Variants in LRRC7 observed in about 807,000 individuals in gnomAD.
LRRC7 encodes the protein leucine rich repeat containing 7.
A neutral mutation model predicts 175.7 loss-of-function variants in LRRC7; 23 were observed. That is an observed-to-expected ratio of 0.13 (90% CI 0.09 to 0.19). The LOEUF is 0.19. Ranked by LOEUF, LRRC7 falls within the 10% of genes least tolerant of loss-of-function variation. LRRC7 has a pLI of 1.00. For missense variants in LRRC7, 1,354 were observed against 1,904.7 expected (o/e 0.71, Z 5.38); for synonymous variants, 685 against 680.9 (o/e 1.01, Z -0.09).
chr1:69,896,952 T>C (rs1645997227), intron 7 of LRRC7, among the ~76,000 whole-genome samples: 1 of 152,172 alleles, frequency 6.6e-6, no homozygotes, highest in Non-Finnish European at 1.5e-5. Flanking sequence ...TCTCCTATTG[T>C]CTACAAATTA....
chr1:70,002,340 C>G (rs1436227167), intron 11 of LRRC7, among the ~76,000 whole-genome samples: 4 of 152,154 alleles, frequency 2.6e-5, no homozygotes, highest in Non-Finnish European at 5.9e-5. Flanking sequence ...TGTGAAGTGA[C>G]TTGCCAAAGG....
At chr1:69,778,463 G>C (rs1052204205) in intron 3 of LRRC7, among the ~76,000 whole-genome samples, 2 of 152,030 alleles carry the variant, frequency 1.3e-5, no homozygotes, top group African/African-American at 4.8e-5. Context: ...TTATAATTTT[G>C]TAACAGTGGG....
In LRRC7 at chr1:69,907,432, C is replaced by G. The variant is rs552205890; in HGVS notation, c.648-24075C>G. ...TAGCTCTTATTATTTTGAGATATGT[C>G]CCATCCATACCTAATTTATTGAGAG... On this transcript the variant is annotated intron_variant, in intron 7 of 26. Transcript: ENST00000651989. Among the ~76,000 whole-genome samples, 203 of 152,144 alleles carry G rather than the reference C, an allele frequency of 1.3e-3. 2 individuals carry two copies. Among genetic ancestry groups the G allele is most frequent in the Admixed American group, 0.011 (168 of 15,276 alleles).
intron 8 of LRRC7, among the ~76,000 whole-genome samples, chr1:69,971,121 A>G (rs897119197): frequency 6.6e-6 from 1 of 152,164 alleles, no homozygotes; most frequent in Non-Finnish European, 1.5e-5. Flanking sequence ...ATACAAGGAC[A>G]TACCTCAATG....
chr1:69,738,175 C>T (rs1006522045), intron 2 of LRRC7, among the ~76,000 whole-genome samples: 5 of 151,892 alleles, frequency 3.3e-5, no homozygotes, highest in Non-Finnish European at 5.9e-5. Flanking sequence ...GGCCATGTAC[C>T]GAGTTCTAAT....
chr1:69,712,062 C>T (rs964696675), intron 2 of LRRC7, among the ~76,000 whole-genome samples: 3 of 152,018 alleles, frequency 2.0e-5, no homozygotes, highest in African/African-American at 7.3e-5. Context: ...CCAGAAATGC[C>T]ACTAAAAAGA....
chr1:70,065,889 CTG>C (rs1186801825), intron 23 of LRRC7, among the ~76,000 whole-genome samples: 1 of 151,938 alleles, frequency 6.6e-6, no homozygotes, highest in Non-Finnish European at 1.5e-5. Context: ...TACAACCACT[CTG>C]AGCTAAATAG....
chr1:70,121,171 T>C (rs752990290), intron 26 of LRRC7, among the ~76,000 whole-genome samples: 1 of 152,050 alleles, frequency 6.6e-6, no homozygotes, highest in Non-Finnish European at 1.5e-5. Flanking sequence ...CAGTGTGTTT[T>C]ATCCCCAAGG....
chr1:69,845,778 A>G (rs1053443349), intron 7 of LRRC7, among the ~76,000 whole-genome samples: 3 of 152,150 alleles, frequency 2.0e-5, no homozygotes, highest in African/African-American at 7.2e-5. Context: ...GACAGCTTAC[A>G]GAATGGCTTT....
At chr1:69,709,675 G>A (rs1664498430) in intron 2 of LRRC7, among the ~76,000 whole-genome samples, 1 of 152,192 alleles carries the variant, frequency 6.6e-6, no homozygotes, top group Admixed American at 6.5e-5. Flanking sequence ...CAAGATTTAA[G>A]AAATACTCTG....
chr1:69,750,061 AAAAT>A (rs368323946), intron 2 of LRRC7, among the ~76,000 whole-genome samples: 35 of 139,182 alleles, frequency 2.5e-4, no homozygotes, highest in African/African-American at 6.7e-4. Flanking sequence ...CTATGTCTCA[AAAAT>A]AAATAAATAA....
intron 25 of LRRC7, among the ~76,000 whole-genome samples, chr1:70,098,218 A>G (rs10465862): frequency 6.6e-6 from 1 of 152,166 alleles, no homozygotes; most frequent in Non-Finnish European, 1.5e-5. Flanking sequence ...GCCAGTGATG[A>G]TGAGCATTTT....
intron 3 of LRRC7, among the ~76,000 whole-genome samples, chr1:69,770,319 C>A (rs1672088699): frequency 6.6e-6 from 1 of 152,074 alleles, no homozygotes; most frequent in Admixed American, 6.6e-5. Flanking sequence ...ATATTTGTAA[C>A]TTAAGATGTA....
chr1:69,814,891 T>C (rs1187989941), intron 4 of LRRC7, among the ~76,000 whole-genome samples: 1 of 152,190 alleles, frequency 6.6e-6, no homozygotes, highest in Non-Finnish European at 1.5e-5. Flanking sequence ...TCTTACTTTC[T>C]TGCCACATTT....
intron 3 of LRRC7, among the ~76,000 whole-genome samples, chr1:69,763,842 T>C (rs1465289335): frequency 6.6e-6 from 1 of 152,100 alleles, no homozygotes; most frequent in East Asian, 1.9e-4. Context: ...TCAGATTTGT[T>C]GAGTAATAAG....
intron 23 of LRRC7, among the ~76,000 whole-genome samples, chr1:70,067,595 T>G (rs553029574): frequency 6.6e-6 from 1 of 152,262 alleles, no homozygotes; most frequent in South Asian, 2.1e-4. Flanking sequence ...TTTTCCAAAC[T>G]TGTTTTAGCT....
At position 69,853,647 on chromosome 1, in the gene LRRC7, T is replaced by G. The variant is rs952823572; in HGVS notation, c.647+15364T>G. Among the ~76,000 whole-genome samples, 4 of 152,252 alleles carry G rather than the reference T, an allele frequency of 2.6e-5. No individual in the cohort carries two copies. In the East Asian group the frequency reaches 7.7e-4, roughly 29 times the overall value. The stretch of plus-strand genomic sequence containing the variant: ...GTTGCATTTGAAATGTTTTAGACTG[T>G]TGCAGAAAGAAACGTGAAAGAGTCT... On this transcript the variant is annotated intron_variant, in intron 7 of 26. Coordinates refer to ENST00000651989, the MANE Select transcript of LRRC7 (RefSeq NM_001370785.2).
rs147563477 is a variant in LRRC7, at chr1:69,889,933, G to A, written c.648-41574G>A. Reference sequence around the variant, plus strand: ...TCTGTTAAAGTTTTATGAGATTGCAGCAATTCAGTCACATCTTCAGGCTCC... The same window carrying A: ...TCTGTTAAAGTTTTATGAGATTGCAACAATTCAGTCACATCTTCAGGCTCC... On this transcript the variant is annotated intron_variant, in intron 7 of 26. Coordinates refer to ENST00000651989, the MANE Select transcript of LRRC7 (RefSeq NM_001370785.2). Among the ~76,000 whole-genome samples, 18 of 152,310 alleles carry A rather than the reference G, an allele frequency of 1.2e-4. No homozygotes were observed. The East Asian group carries it at 3.1e-3, about 26-fold the overall frequency.
At chr1:69,868,924 T>TAC (rs927429875) in intron 7 of LRRC7, among the ~76,000 whole-genome samples, 1 of 149,028 alleles carries the variant, frequency 6.7e-6, no homozygotes, top group Non-Finnish European at 1.5e-5. Context: ...CATATGTACA[T>TAC]ATATATATAT....
Sources: allele counts gnomAD v4.1 joint callset (sites outside exome capture counted in the v4.1 genomes callset), GRCh38; gene constraint gnomAD v4.1.1; transcripts MANE v1.5; gene names NCBI Gene and HGNC (gene_info 2026-07-23, HGNC 2026-07-21).